GPR157: variants seen among roughly 807,000 people sequenced by gnomAD.
The protein encoded by GPR157 is G-protein coupled receptor 157.
Under a neutral mutation model 23.5 loss-of-function variants are expected in GPR157, and 16 were observed. The observed-to-expected ratio is 0.68, with a 90% CI of 0.46 to 1.04. The LOEUF (loss-of-function observed/expected upper bound fraction) is 1.04. Ranked by LOEUF, GPR157 falls within the 50% of genes least tolerant of loss-of-function variation. The pLI is 0.00. For missense variants in GPR157, 440 were observed against 460.7 expected, an observed-to-expected ratio of 0.96 and a Z score of 0.41; for synonymous variants, 200 against 221.5, an observed-to-expected ratio of 0.90 and a Z score of 0.86.
Position 9,103,399 on chromosome 1 carries a change from G to C in GPR157, c.*1020C>G, listed in dbSNP as rs1642590570. On this transcript the variant is annotated 3_prime_UTR_variant, in exon 4 of 4. Coordinates refer to ENST00000377411, the MANE Select transcript of GPR157 (RefSeq NM_024980.5). ...GGCTGGTCTTGAACTCCTGACCTCA[G>C]GTGATCTGCCTGCCTTGGCCTCCCA... 6.6e-6 allele frequency: 1 copy of C among 152,210 alleles called. No individual in the cohort carries two copies. Among genetic ancestry groups the C allele is most frequent in the Non-Finnish European group, 1.5e-5 (1 of 68,086 alleles). 9.4% of individuals were successfully genotyped at this position (152,210 alleles called of 1,614,324 possible).
chr1:9,124,752 C>T (rs1043501265), intron 1 of GPR157, among the ~76,000 whole-genome samples: 3 of 152,108 alleles, frequency 2.0e-5, no homozygotes, highest in Non-Finnish European at 2.9e-5. Context: ...TCTTGCTAAT[C>T]ATAGGTTATG....
At chr1:9,110,878 T>G (rs1998948) in intron 2 of GPR157, among the ~76,000 whole-genome samples, 1 of 152,082 alleles carries the variant, frequency 6.6e-6, no homozygotes, top group East Asian at 1.9e-4. Context: ...GCCTTGGGTC[T>G]GTCCTCACCT....
rs559818645 is a variant in GPR157, at chr1:9,120,906, G to A, written c.383+7739C>T. 1.3e-5 allele frequency among the ~76,000 whole-genome samples: 2 copies of A among 152,334 alleles called. No homozygotes were observed. Among genetic ancestry groups the A allele is most frequent in the South Asian group, 4.1e-4 (2 of 4,828 alleles). On this transcript the variant is annotated intron_variant, in intron 1 of 3. Coordinates refer to ENST00000377411, the MANE Select transcript of GPR157 (RefSeq NM_024980.5). This position sits in a 1 kb window ranked among gnomAD's most constrained non-coding sequence, Gnocchi z 4.1. ...CCAGTTCAATGATTGATATTTTCAGGAGTAGTGGCCGACATGGGGTACTAT... is the reference window on the plus strand; with the variant it reads ...CCAGTTCAATGATTGATATTTTCAGAAGTAGTGGCCGACATGGGGTACTAT...
intron 2 of GPR157, among the ~76,000 whole-genome samples, chr1:9,109,353 G>T (rs923874942): frequency 6.6e-6 from 1 of 151,986 alleles, no homozygotes; most frequent in African/African-American, 2.4e-5. Context: ...AAAGTGCTGG[G>T]ATTACAGGCA....
chr1:9,111,130 G>A (rs1557695598), intron 2 of GPR157, 146 bp downstream of exon 2: 1 of 724,038 alleles, frequency 1.4e-6, no homozygotes, highest in Non-Finnish European at 2.5e-6. Flanking sequence ...CTGGTGCACA[G>A]TAAGTGCCTG....
chr1:9,109,151 C>T (rs1473767601), intron 2 of GPR157, among the ~76,000 whole-genome samples: 6 of 142,876 alleles, frequency 4.2e-5, no homozygotes, highest in Admixed American at 1.5e-4. Context: ...GGTGCAATCT[C>T]GGCTCACTGC....
At position 9,104,212 on chromosome 1, in the gene GPR157, C is replaced by G. The variant is rs116580125; in HGVS notation, c.*207G>C. On this transcript the variant is annotated 3_prime_UTR_variant, in exon 4 of 4. Coordinates refer to ENST00000377411, the MANE Select transcript of GPR157 (RefSeq NM_024980.5). ...ATGAACGCCCACCCGTGGGCCAGGA[C>G]GCTGGTACCGGTGGAACTTGCTGCC... The G allele has an allele frequency of 1.7e-6, 1 of 575,650 alleles. No homozygotes were observed. The highest frequency in any genetic ancestry group is 3.0e-5 in the Admixed American group (1 of 33,296). 35.7% of individuals were successfully genotyped at this position (575,650 alleles called of 1,614,324 possible). A position where few individuals can be genotyped will look rare whatever the true frequency, so the allele number is the denominator to read the frequency against.
chr1:9,104,633 C>A lies in GPR157; in HGVS notation c.794G>T (p.Gly265Val), dbSNP rs760270775. Residue 265 changes from glycine to valine, a missense_variant and splice_region_variant, in exon 4 of 4, where the codon GGT (glycine) becomes GTT (valine). By Grantham distance (109) the Gly-to-Val change is moderately radical. Coordinates refer to ENST00000377411, the MANE Select transcript of GPR157 (RefSeq NM_024980.5). Reference protein sequence around the residue: ...VQTPVLVVLHGIGNTFQGGAN... With the variant: ...VQTPVLVVLHVIGNTFQGGAN... Reference sequence around the variant, plus strand: ...ACCTCCCTGAAACGTGTTCCCGATACCCTGTCGGGAGAAAAGGAGCTGTGA... The same window carrying A: ...ACCTCCCTGAAACGTGTTCCCGATAACCTGTCGGGAGAAAAGGAGCTGTGA... 1.9e-6 allele frequency: 3 copies of A among 1,589,972 alleles called. No homozygotes were observed. Among genetic ancestry groups the A allele is most frequent in the East Asian group, 2.3e-5 (1 of 44,122 alleles).
intron 1 of GPR157, among the ~76,000 whole-genome samples, chr1:9,119,975 C>T (rs1638764902): frequency 6.6e-6 from 1 of 152,288 alleles, no homozygotes; most frequent in South Asian, 2.1e-4. Flanking sequence ...GGTTTCCCTG[C>T]CCTTCAGAGC....
intron 1 of GPR157, 83 bp from the exon 2 acceptor site, chr1:9,111,572 G>T: frequency 8.9e-7 from 1 of 1,127,750 alleles, no homozygotes; most frequent in Non-Finnish European, 1.3e-6. Context: ...GACGGAGGAC[G>T]CCCTTCAGAA....
At chr1:9,115,900 AC>A (rs1177830481) in intron 1 of GPR157, among the ~76,000 whole-genome samples, 2 of 149,090 alleles carry the variant, frequency 1.3e-5, no homozygotes, top group African/African-American at 4.9e-5. Flanking sequence ...CAGATTGTCT[AC>A]CGCTGCTTTC....
rs966172615 is a variant in GPR157, at chr1:9,128,218, G to A, written c.383+427C>T. ...CAAGCTCACTGTGGCTTGGGGTGGG[G>A]TGGTGGCGTGGGACTGGCAGTTGCC... On this transcript the variant is annotated intron_variant, in intron 1 of 3. Coordinates refer to ENST00000377411, the MANE Select transcript of GPR157 (RefSeq NM_024980.5). The surrounding 1 kb of genome is among the most constrained non-coding windows in gnomAD (Gnocchi z 6.3). The A allele has an allele frequency of 1.9e-5, 9 of 464,538 alleles. No homozygotes were observed. Among genetic ancestry groups the A allele is most frequent in the Non-Finnish European group, 3.4e-5 (8 of 234,910 alleles). 28.8% of individuals were successfully genotyped at this position (464,538 alleles called of 1,614,324 possible). A position where few individuals can be genotyped will look rare whatever the true frequency, so the allele number is the denominator to read the frequency against.
At chr1:9,123,384 AT>A (rs1330007961) in intron 1 of GPR157, among the ~76,000 whole-genome samples, 1,091 of 36,154 alleles carry the variant, frequency 0.03, 185 homozygotes, top group African/African-American at 0.085. Context: ...AAATATATAT[AT>A]TTAATTTAAA....
At chr1:9,119,892 C>A (rs957526951) in intron 1 of GPR157, among the ~76,000 whole-genome samples, 17 of 152,216 alleles carry the variant, frequency 1.1e-4, no homozygotes, top group African/African-American at 4.1e-4. Context: ...GACCTGAATT[C>A]CCCTGCGTGG....
Position 9,111,352 on chromosome 1 carries a change from C to T in GPR157, c.521G>A (p.Gly174Glu). 6.2e-7 allele frequency: 1 copy of T among 1,614,222 alleles called. No individual in the cohort carries two copies. The highest frequency in any genetic ancestry group is 8.5e-7 in the Non-Finnish European group (1 of 1,180,040). Residue 174 changes from glycine to glutamate, a missense_variant, in exon 2 of 4, where the codon GGG (glycine) becomes GAG (glutamate). Transcript: ENST00000377411. Reference protein sequence around the residue: ...KDHVLWMLLTGKLWEMLAYVL... With the variant: ...KDHVLWMLLTEKLWEMLAYVL... ...ATATGCCAGCATCTCCCACAGCTTC[C>T]CCGTCAGCAGCATCCACAGGACATG...
rs1217134434 is a variant in GPR157, at chr1:9,102,855, T to C, written c.*1564A>G. The C allele has an allele frequency of 6.6e-6, 1 of 152,222 alleles. No homozygotes were observed. The highest frequency in any genetic ancestry group is 1.5e-5 in the Non-Finnish European group (1 of 68,040). 9.4% of individuals were successfully genotyped at this position (152,222 alleles called of 1,614,324 possible). A position where few individuals can be genotyped will look rare whatever the true frequency, so the allele number is the denominator to read the frequency against. Reference sequence around the variant, plus strand: ...CTTTTAAATGTAAATAATCGCTCCATGCTCCATGCCGCCACTTACCTCAGC... The same window carrying C: ...CTTTTAAATGTAAATAATCGCTCCACGCTCCATGCCGCCACTTACCTCAGC... On this transcript the variant is annotated 3_prime_UTR_variant, in exon 4 of 4. Coordinates refer to ENST00000377411, the MANE Select transcript of GPR157 (RefSeq NM_024980.5).
At chr1:9,109,191 T>G (rs1569952751) in intron 2 of GPR157, among the ~76,000 whole-genome samples, 1 of 150,932 alleles carries the variant, frequency 6.6e-6, no homozygotes, top group South Asian at 2.1e-4. Flanking sequence ...CAAGTGATTC[T>G]CCTGCCTCAG....
At chr1:9,119,704 T>C (rs927036461) in intron 1 of GPR157, among the ~76,000 whole-genome samples, 1 of 152,070 alleles carries the variant, frequency 6.6e-6, no homozygotes, top group Admixed American at 6.5e-5. Flanking sequence ...AATGCCCAGA[T>C]TGGCAAAGCT....
chr1:9,112,646 T>C (rs1569958458), intron 1 of GPR157, among the ~76,000 whole-genome samples: 1 of 152,038 alleles, frequency 6.6e-6, no homozygotes. Context: ...AGAGACAGGG[T>C]TTCACCATGT....
Sources: allele counts gnomAD v4.1 joint callset (sites outside exome capture counted in the v4.1 genomes callset), GRCh38; gene constraint gnomAD v4.1.1; non-coding constraint Gnocchi (gnomAD v3.1); transcripts MANE v1.5; gene names NCBI Gene and HGNC (gene_info 2026-07-23, HGNC 2026-07-21).